Variants in PPIC observed in about 807,000 individuals in gnomAD.
The protein encoded by PPIC is peptidyl-prolyl cis-trans isomerase C.
Under a neutral mutation model 19.5 loss-of-function variants are expected in PPIC, and 19 were observed. The ratio of observed to expected loss-of-function variants is 0.98; its 90% CI spans 0.68 to 1.43. PPIC has a LOEUF of 1.43. PPIC is among the 40% of genes most tolerant of loss of function. The pLI is 0.00. For missense variants in PPIC, 268 were observed against 268.6 expected, an observed-to-expected ratio of 1.00 and a Z score of 0.02; for synonymous variants, 107 against 101.2, an observed-to-expected ratio of 1.06 and a Z score of -0.34.
chr5:123,029,039 A>C (rs1008474100), intron 2 of PPIC, 171 bp from the exon 3 acceptor site: 22 of 822,960 alleles, frequency 2.7e-5, no homozygotes, highest in Non-Finnish European at 4.1e-5. Flanking sequence ...TGACCAAAAA[A>C]TAAATATGTT....
intron 1 of PPIC, among the ~76,000 whole-genome samples, chr5:123,030,364 C>T (rs1310370427): frequency 6.6e-6 from 1 of 152,168 alleles, no homozygotes; most frequent in East Asian, 1.9e-4. Context: ...AGTCAAAGGG[C>T]ATTCTATTAG....
At chr5:123,031,951 C>T (rs1227454619) in intron 1 of PPIC, among the ~76,000 whole-genome samples, 1 of 152,154 alleles carries the variant, frequency 6.6e-6, no homozygotes, top group Admixed American at 6.5e-5. Flanking sequence ...TGTGTACCAC[C>T]ACACCTGGCT....
In PPIC at chr5:123,036,600, A is replaced by G; in HGVS notation, c.26T>C (p.Leu9Pro). 1.3e-6 allele frequency: 2 copies of G among 1,594,890 alleles called. No individual in the cohort carries two copies. The highest frequency in any genetic ancestry group is 1.1e-5 in the South Asian group (1 of 88,102). Residue 9 changes from leucine (L) to proline (P), a missense_variant, in exon 1 of 5, where the codon CTA becomes CCA. Transcript: ENST00000306442. The surrounding 1 kb of genome is among the most constrained non-coding windows in gnomAD (Gnocchi z 4.5). MGPGPRLL[L>P]PLVLCVGLGA... ...GAGCCCCACGCAAAGCACGAGAGGT[A>G]GCAGCAGCCGAGGACCCGGGCCCAT...
At position 123,036,523 on chromosome 5, in the gene PPIC, A is replaced by G; in HGVS notation, c.103T>C (p.Ser35Pro). The change falls in exon 1 of 5, where the codon TCG becomes CCG. Residue 35 changes from serine (S) to proline (P), a missense_variant. By Grantham distance (74) the Ser-to-Pro change is moderately conservative (BLOSUM62 -1). Transcript: ENST00000306442. The surrounding 1 kb of genome is among the most constrained non-coding windows in gnomAD (Gnocchi z 4.5). ...CTCTCGGTCACCTTGGCCGTCACCGAGGGGCCTCGCTTGCGGAAGCCCTCG... is the reference window on the plus strand; with the variant it reads ...CTCTCGGTCACCTTGGCCGTCACCGGGGGGCCTCGCTTGCGGAAGCCCTCG... ...GAEGFRKRGP[S>P]VTAKVFFDVR... The G allele has an allele frequency of 1.9e-6, 3 of 1,606,870 alleles. No homozygotes were observed. Among genetic ancestry groups the G allele is most frequent in the Non-Finnish European group, 2.5e-6 (3 of 1,177,966 alleles).
chr5:123,032,954 G>C (rs1310670216), intron 1 of PPIC, among the ~76,000 whole-genome samples: 2 of 152,258 alleles, frequency 1.3e-5, no homozygotes, highest in East Asian at 3.9e-4. Context: ...GGTAGAGGAA[G>C]AGGGAGGAGG....
At chr5:123,029,526 C>A in intron 1 of PPIC, 108 bp from the exon 2 acceptor site, 1 of 1,430,108 alleles carries the variant, frequency 7.0e-7, no homozygotes, top group East Asian at 2.4e-5. Context: ...AAAGCCCTGC[C>A]CATCAGTATT....
rs1397611308 is a variant in PPIC at position 123,036,350 on chromosome 5, C to T, written c.117+159G>A. ...CCCGGAGCGCCGGCCTCCCAGCACG[C>T]GAGCAGCCCCCTCCCACCCAGTCCC... On this transcript the variant is annotated intron_variant, in intron 1 of 4. Coordinates refer to ENST00000306442, the MANE Select transcript of PPIC (RefSeq NM_000943.5). The surrounding 1 kb of genome is among the most constrained non-coding windows in gnomAD (Gnocchi z 4.5). The T allele has an allele frequency of 1.5e-6, 1 of 655,076 alleles. No individual in the cohort carries two copies. Among genetic ancestry groups the T allele is most frequent in the Non-Finnish European group, 2.6e-6 (1 of 385,022 alleles). 40.6% of individuals were successfully genotyped at this position (655,076 alleles called of 1,614,324 possible).
At chr5:123,026,092 T>A in intron 3 of PPIC, 124 bp from the exon 4 acceptor site, 1 of 783,758 alleles carries the variant, frequency 1.3e-6, no homozygotes, top group East Asian at 2.8e-5. Context: ...GGGGAAGACA[T>A]GTTCAAACAT....
At chr5:123,027,192 T>C (rs1001295742) in intron 3 of PPIC, among the ~76,000 whole-genome samples, 18 of 151,510 alleles carry the variant, frequency 1.2e-4, no homozygotes, top group African/African-American at 3.4e-4. Flanking sequence ...AGACTGTGTC[T>C]CAAAAGAAAA....
chr5:123,032,175 T>C (rs1036987875), intron 1 of PPIC, among the ~76,000 whole-genome samples: 1 of 152,176 alleles, frequency 6.6e-6, no homozygotes, highest in South Asian at 2.1e-4. Flanking sequence ...CATGACTTAG[T>C]GGTGGTCTCA....
Position 123,036,627 on chromosome 5 carries a change from G to T in PPIC, c.-2C>A. On this transcript the variant is annotated 5_prime_UTR_variant, in exon 1 of 5. Coordinates refer to ENST00000306442, the MANE Select transcript of PPIC (RefSeq NM_000943.5). This position sits in a 1 kb window ranked among gnomAD's most constrained non-coding sequence, Gnocchi z 4.5. ...CAGCAGCCGAGGACCCGGGCCCATGGTGAGCGGTGGCAGCGGCGCTACCGG... is the reference window on the plus strand; with the variant it reads ...CAGCAGCCGAGGACCCGGGCCCATGTTGAGCGGTGGCAGCGGCGCTACCGG... The T allele has an allele frequency of 6.3e-7, 1 of 1,580,186 alleles. No individual in the cohort carries two copies.
chr5:123,026,040 CT>C, intron 3 of PPIC, 72 bp from the exon 4 acceptor site: 1 of 1,332,018 alleles, frequency 7.5e-7, no homozygotes, highest in Non-Finnish European at 1.0e-6. Flanking sequence ...AACATAAGGC[CT>C]TAGAGGAATC....
intron 3 of PPIC, among the ~76,000 whole-genome samples, chr5:123,026,815 C>A (rs1455693149): frequency 6.6e-6 from 1 of 152,198 alleles, no homozygotes; most frequent in Non-Finnish European, 1.5e-5. Flanking sequence ...TCCTCCAATA[C>A]CTCAAGGGTC....
chr5:123,023,807 A>AACACAACAC lies in PPIC; in HGVS notation c.*67_*68insGTGTTGTGT. The stretch of plus-strand genomic sequence containing the variant: ...AAAGCAAATAATTGAAAGACAACAC[A>AACACAACAC]ACACACACACACACACACACACACA... On this transcript the variant is annotated 3_prime_UTR_variant, in exon 5 of 5. Transcript: ENST00000306442. The AACACAACAC allele has an allele frequency of 1.5e-6, 2 of 1,293,846 alleles. No homozygotes were observed. The highest frequency in any genetic ancestry group is 2.0e-6 in the Non-Finnish European group (2 of 979,788). The allele number at this position is 1,293,846 out of a possible 1,614,324, so 80.1% of individuals were successfully genotyped here. A position where few individuals can be genotyped will look rare whatever the true frequency, so the allele number is the denominator to read the frequency against.
At position 123,036,085 on chromosome 5, in the gene PPIC, C is replaced by G. The variant is rs1247912778; in HGVS notation, c.117+424G>C. On this transcript the variant is annotated intron_variant, in intron 1 of 4. Transcript: ENST00000306442. This position sits in a 1 kb window ranked among gnomAD's most constrained non-coding sequence, Gnocchi z 4.5. ...GCGGGCGGCTGCAAGCCCTGGGCTC[C>G]GAGCGCCTCTCCTGTGCGGGTCCCG... Among the ~76,000 whole-genome samples, 1 of 152,086 alleles carries G rather than the reference C, an allele frequency of 6.6e-6. No individual in the cohort carries two copies. Among genetic ancestry groups the G allele is most frequent in the Non-Finnish European group, 1.5e-5 (1 of 68,002 alleles).
intron 3 of PPIC, among the ~76,000 whole-genome samples, chr5:123,026,919 G>C (rs1025134831): frequency 6.6e-6 from 1 of 152,186 alleles, no homozygotes; most frequent in African/African-American, 2.4e-5. Context: ...AGTAGGCTGG[G>C]TGCAGTGGCT....
intron 1 of PPIC, among the ~76,000 whole-genome samples, chr5:123,035,292 T>G (rs962817909): frequency 6.6e-5 from 10 of 152,228 alleles, no homozygotes; most frequent in Non-Finnish European, 1.5e-4. Flanking sequence ...ATTTCATAAT[T>G]GTGCGAATTT....
At chr5:123,028,706 G>A (rs1008921481) in intron 3 of PPIC, 69 bp downstream of exon 3, 8 of 1,252,248 alleles carry the variant, frequency 6.4e-6, no homozygotes, top group African/African-American at 1.5e-5. Context: ...CAACAGACTG[G>A]GTTCATATAC....
chr5:123,025,725 C>T, intron 4 of PPIC, 59 bp downstream of exon 4: 1 of 1,517,826 alleles, frequency 6.6e-7, no homozygotes, highest in Admixed American at 1.9e-5. Flanking sequence ...AAATAAATCA[C>T]TGAAAGTACT....
Sources: gnomAD v4.1 joint callset for allele counts (sites outside exome capture counted in the v4.1 genomes callset) on GRCh38, gnomAD v4.1.1 for gene constraint, Gnocchi (gnomAD v3.1) non-coding constraint, MANE v1.5 for transcripts, NCBI Gene and HGNC (gene_info 2026-07-23, HGNC 2026-07-21) for gene names.